Variants in TOP3B observed in about 807,000 individuals in gnomAD.
The protein encoded by TOP3B is DNA topoisomerase 3-beta-1.
A neutral mutation model predicts 93.9 loss-of-function variants in TOP3B; 45 were observed. The observed-to-expected ratio is 0.48, with a 90% CI of 0.38 to 0.61. TOP3B has a LOEUF of 0.61. Among genes scored for constraint, TOP3B ranks in the 20% least tolerant of loss-of-function variants. The pLI, the probability that TOP3B is intolerant of heterozygous loss-of-function variation, is 0.00. For missense variants in TOP3B, 750 were observed against 1,156.1 expected, an observed-to-expected ratio of 0.65 and a Z score of 5.09; for synonymous variants, 357 against 472.6, an observed-to-expected ratio of 0.76 and a Z score of 3.17.
At position 21,962,831 on chromosome 22, in the gene TOP3B, C is replaced by T; in HGVS notation, c.1267G>A (p.Asp423Asn). The change falls in exon 12 of 18, where the codon GAC becomes AAC. Residue 423 changes from aspartate to asparagine, a missense_variant. Physicochemically the swap from Asp to Asn is conservative, Grantham distance 23. Around this residue, in one of 4 missense-constraint regions of TOP3B, gnomAD observed 737 missense variants for 933.7 expected, o/e 0.79. Coordinates refer to ENST00000357179, the MANE Select transcript of TOP3B (RefSeq NM_001282112.2). ...ATGGTGCTCTGCAGGTACTTGCAGT[C>T]ATGGCTGACCGTGGCGATGAAGTGT... The part of the protein sequence containing the change: ...TRHFIATVSH[D>N]CKYLQSTISF... 2 of 1,614,116 alleles carry T rather than the reference C, an allele frequency of 1.2e-6. No homozygotes were observed. Among genetic ancestry groups the T allele is most frequent in the East Asian group, 4.5e-5 (2 of 44,880 alleles).
intron 4 of TOP3B, 179 bp downstream of exon 4, chr22:21,972,433 T>C: frequency 1.8e-6 from 1 of 566,294 alleles, no homozygotes; most frequent in Non-Finnish European, 3.1e-6. Flanking sequence ...GGCAACTGCC[T>C]TGTGTGTTGG....
chr22:21,959,311 G>A (rs1196982608), intron 15 of TOP3B, 79 bp from the exon 16 acceptor site: 2 of 1,586,698 alleles, frequency 1.3e-6, no homozygotes, highest in South Asian at 2.2e-5. Flanking sequence ...TCAAGGGTCT[G>A]AGTGTGAAAG....
chr22:21,965,117 G>A, intron 9 of TOP3B, 168 bp downstream of exon 9: 3 of 451,444 alleles, frequency 6.6e-6, no homozygotes, highest in Admixed American at 4.2e-5. Context: ...CCCCTCAGGT[G>A]GTGACCAACT....
chr22:21,965,286 C>T lies in TOP3B; in HGVS notation c.942G>A (p.Leu314=), dbSNP rs1467777605. 6.3e-7 allele frequency: 1 copy of T among 1,592,736 alleles called. No individual in the cohort carries two copies. Among genetic ancestry groups the T allele is most frequent in the East Asian group, 2.3e-5 (1 of 43,304 alleles). Residue 314 remains leucine (L), a splice_region_variant and synonymous_variant, in exon 9 of 18, where the codon CTG becomes CTA. Transcript: ENST00000357179. ...VEMLRVASSS[L]GMGPQHAMQT... ...CTTGAGAGAAATGTCCCTACATACC[C>T]AGAGAAGAGCTGGCCACACGCAGCA...
At chr22:21,974,072 C>T (rs1206178717) in intron 3 of TOP3B, 1 of 282,324 alleles carries the variant, frequency 3.5e-6, no homozygotes, top group Non-Finnish European at 6.8e-6. Context: ...ACAGGTCAAG[C>T]CCTTCCTAAG....
intron 3 of TOP3B, chr22:21,974,154 G>A (rs1056192305): frequency 5.8e-5 from 31 of 538,764 alleles, no homozygotes; most frequent in Non-Finnish European, 4.5e-5. Flanking sequence ...CCGCTATGAT[G>A]GGGACCCAGG....
intron 8 of TOP3B, chr22:21,966,281 G>A (rs1357927352): frequency 1.3e-5 from 2 of 152,130 alleles, no homozygotes; most frequent in African/African-American, 4.8e-5. Flanking sequence ...TCAAGTGATT[G>A]AATATTCTTT....
chr22:21,979,186 T>C (rs1291843247), intron 1 of TOP3B, among the ~76,000 whole-genome samples: 4 of 150,676 alleles, frequency 2.7e-5, no homozygotes, highest in Non-Finnish European at 5.9e-5. Context: ...AGGGGAGAGA[T>C]TACAAGGACA....
At position 21,963,344 on chromosome 22, in the gene TOP3B, GAA is replaced by G. The variant is rs11400717; in HGVS notation, c.1205-453_1205-452del. On this transcript the variant is annotated intron_variant, in intron 11 of 17. Coordinates refer to ENST00000357179, the MANE Select transcript of TOP3B (RefSeq NM_001282112.2). This position sits in a 1 kb window ranked among gnomAD's most constrained non-coding sequence, Gnocchi z 4.8. ...AGAACAAGACTCTGTCTCAAAAAAA[GAA>G]AAAAAAAAAGCAAATGCGGAGGAAG... The G allele has an allele frequency of 2.0e-5, 3 of 151,662 alleles. No homozygotes were observed. Among genetic ancestry groups the G allele is most frequent in the Admixed American group, 6.4e-5 (1 of 15,702 alleles). The allele number at this position is 151,662 out of a possible 1,614,324, so 9.4% of individuals were successfully genotyped here.
Position 21,970,077 on chromosome 22 carries a change from G to T in TOP3B, c.581+133C>A. ...TAGCCACTGTGCCTGGCCTTCTTCA[G>T]GGTTGGTGAAATCCCCTGTTGCTCA... On this transcript the variant is annotated intron_variant, in intron 6 of 17. Coordinates refer to ENST00000357179, the MANE Select transcript of TOP3B (RefSeq NM_001282112.2). This position sits in a 1 kb window ranked among gnomAD's most constrained non-coding sequence, Gnocchi z 4.4. 1 of 952,362 alleles carries T rather than the reference G, an allele frequency of 1.1e-6. No homozygotes were observed. Among genetic ancestry groups the T allele is most frequent in the African/African-American group, 1.6e-5 (1 of 61,274 alleles). 59.0% of individuals were successfully genotyped at this position (952,362 alleles called of 1,614,324 possible).
chr22:21,964,249 G>A lies in TOP3B; in HGVS notation c.1010C>T (p.Pro337Leu), dbSNP rs1225669251. 1 of 1,614,170 alleles carries A rather than the reference G, an allele frequency of 6.2e-7. No individual in the cohort carries two copies. The highest frequency in any genetic ancestry group is 8.5e-7 in the Non-Finnish European group (1 of 1,180,022). Residue 337 changes from proline to leucine, a missense_variant, in exon 10 of 18, where the codon CCA (proline) becomes CTA (leucine). This residue lies in a region of TOP3B where 737 missense variants were observed against 933.7 expected (regional missense o/e 0.79). Coordinates refer to ENST00000357179, the MANE Select transcript of TOP3B (RefSeq NM_001282112.2). ...RLYTQGYISY[P>L]RTETTHYPEN... is the part of the protein sequence containing the mutation. ...AGGGTAGTGGGTGGTCTCTGTCCGT[G>A]GGTAGCTGATGTAGCCTTGCGTGTA...
intron 2 of TOP3B, chr22:21,975,305 C>T (rs772522944): frequency 2.7e-5 from 6 of 219,552 alleles, no homozygotes; most frequent in Non-Finnish European, 5.5e-5. Flanking sequence ...CTCATCAGAC[C>T]TTGACTGGGG....
At position 21,963,977 on chromosome 22, in the gene TOP3B, C is replaced by T. The variant is rs150292700; in HGVS notation, c.1150G>A (p.Ala384Thr). The T allele has an allele frequency of 1.4e-5, 22 of 1,612,628 alleles. No individual in the cohort carries two copies. The highest frequency in any genetic ancestry group is 1.6e-4 in the Middle Eastern group (1 of 6,066). Residue 384 changes from alanine (A) to threonine (T), a missense_variant, in exon 11 of 18, where the codon GCC becomes ACC. Around this residue, in one of 4 missense-constraint regions of TOP3B, gnomAD observed 737 missense variants for 933.7 expected, o/e 0.79. Coordinates refer to ENST00000357179, the MANE Select transcript of TOP3B (RefSeq NM_001282112.2). The surrounding 1 kb of genome is among the most constrained non-coding windows in gnomAD (Gnocchi z 4.8). Reference sequence around the variant, plus strand: ...GGGGTGATGGGGGGATGGTCGCCGGCGTCATGGCCTTTCCGCGGGCGGTTG... The same window carrying T: ...GGGGTGATGGGGGGATGGTCGCCGGTGTCATGGCCTTTCCGCGGGCGGTTG... ...GINRPRKGHDAGDHPPITPMK... is the reference protein window; with the variant it reads ...GINRPRKGHDTGDHPPITPMK...
chr22:21,960,920 T>G, intron 13 of TOP3B: 1 of 163,274 alleles, frequency 6.1e-6, no homozygotes, highest in Non-Finnish European at 1.4e-5. Context: ...GTCTCCCACC[T>G]CCTCCCTCTC....
chr22:21,958,298 G>C (rs1336951270), intron 17 of TOP3B, 194 bp downstream of exon 17: 3 of 1,435,672 alleles, frequency 2.1e-6, no homozygotes, highest in African/African-American at 1.4e-5. Flanking sequence ...TTCTGACACA[G>C]AGAGAGGGTG....
Position 21,963,624 on chromosome 22 carries a change from G to A in TOP3B, c.1204+299C>T. 2.4e-6 allele frequency: 1 copy of A among 418,072 alleles called. No homozygotes were observed. The allele number at this position is 418,072 out of a possible 1,614,324, so 25.9% of individuals were successfully genotyped here. A position where few individuals can be genotyped will look rare whatever the true frequency, so the allele number is the denominator to read the frequency against. On this transcript the variant is annotated intron_variant, in intron 11 of 17. Coordinates refer to ENST00000357179, the MANE Select transcript of TOP3B (RefSeq NM_001282112.2). This position sits in a 1 kb window ranked among gnomAD's most constrained non-coding sequence, Gnocchi z 4.8. ...CCACTGGTACCACCTTAGGCCAGCT[G>A]GGAGGTAGGAGGTGTGCTGCCCCCT...
At chr22:21,979,717 A>G (rs944341977) in intron 1 of TOP3B, among the ~76,000 whole-genome samples, 18 of 151,792 alleles carry the variant, frequency 1.2e-4, no homozygotes, top group East Asian at 3.9e-4. Context: ...CAAGGTGGGC[A>G]GATCACGAGG....
intron 6 of TOP3B, chr22:21,969,902 C>T (rs1020454153): frequency 1.1e-4 from 25 of 230,502 alleles, no homozygotes; most frequent in African/African-American, 5.6e-4. Context: ...GCCTAGGCAA[C>T]AGAACAAGAC....
rs185394680 is a variant in TOP3B, at chr22:21,962,793, A to C, written c.1305T>G (p.Ile435Met). The change falls in exon 12 of 18, where the codon ATT becomes ATG. Residue 435 changes from isoleucine to methionine, a missense_variant. Ile to Met is a conservative substitution (Grantham distance 10). Around this residue, in one of 4 missense-constraint regions of TOP3B, gnomAD observed 737 missense variants for 933.7 expected, o/e 0.79. Coordinates refer to ENST00000357179, the MANE Select transcript of TOP3B (RefSeq NM_001282112.2). ...CGGAGCAGGTGAAGAGCTCGGGCCC[A>C]ATTCTGAAGGAGATGGTGCTCTGCA... ...KYLQSTISFRIGPELFTCSGK... is the reference protein window; with the variant it reads ...KYLQSTISFRMGPELFTCSGK... 1.5e-5 allele frequency: 24 copies of C among 1,613,606 alleles called. No individual in the cohort carries two copies. In the East Asian group the frequency reaches 3.1e-4, roughly 21 times the overall value.
Sources: allele counts gnomAD v4.1 joint callset (sites outside exome capture counted in the v4.1 genomes callset), GRCh38; gene constraint gnomAD v4.1.1; regional missense constraint gnomAD v4.1.1; non-coding constraint Gnocchi (gnomAD v3.1); transcripts MANE v1.5; gene names NCBI Gene and HGNC (gene_info 2026-07-23, HGNC 2026-07-21).